TAFA2: variants seen among roughly 807,000 people sequenced by gnomAD.
TAFA2 encodes the protein TAFA chemokine like family member 2.
TAFA2 carries 7 observed loss-of-function variants against 18.8 expected under a neutral mutation model. The observed-to-expected ratio is 0.37, with a 90% CI of 0.21 to 0.70. TAFA2 has a LOEUF of 0.70. Ranked by LOEUF, TAFA2 falls within the 30% of genes least tolerant of loss-of-function variation. The pLI, the probability that TAFA2 is intolerant of heterozygous loss-of-function variation, is 0.53. For missense variants in TAFA2, 122 were observed against 158.1 expected (o/e 0.77, Z 1.23); for synonymous variants, 60 against 54.2 (o/e 1.11, Z -0.47).
chr12:61,767,437 CT>C (rs2120826867), intron 2 of TAFA2, among the ~76,000 whole-genome samples: 1 of 152,082 alleles, frequency 6.6e-6, no homozygotes, highest in Admixed American at 6.6e-5. Flanking sequence ...TTTCCTGTAT[CT>C]AATTTTGCAG....
At chr12:61,863,058 A>C (rs1874193356) in intron 2 of TAFA2, among the ~76,000 whole-genome samples, 1 of 152,206 alleles carries the variant, frequency 6.6e-6, no homozygotes, top group African/African-American at 2.4e-5. Flanking sequence ...TCCATGAGAA[A>C]TATCCAACTG....
At chr12:61,799,477 T>C (rs1300306767) in intron 2 of TAFA2, among the ~76,000 whole-genome samples, 1 of 152,260 alleles carries the variant, frequency 6.6e-6, no homozygotes, top group East Asian at 1.9e-4. Context: ...ACTATCGAAG[T>C]CTCACCATAA....
At chr12:62,090,838 C>T (rs1868681058) in intron 1 of TAFA2, among the ~76,000 whole-genome samples, 1 of 152,028 alleles carries the variant, frequency 6.6e-6, no homozygotes, top group Non-Finnish European at 1.5e-5. Context: ...AAATCTGCCA[C>T]TTCTGCCAAC....
chr12:62,153,834 C>T (rs939443446), intron 1 of TAFA2, among the ~76,000 whole-genome samples: 15 of 152,080 alleles, frequency 9.9e-5, no homozygotes, highest in Admixed American at 5.9e-4. Context: ...ATAAAGTTTA[C>T]ACCTATATAT....
At chr12:62,066,113 T>C (rs1244193642) in intron 1 of TAFA2, among the ~76,000 whole-genome samples, 1 of 142,842 alleles carries the variant, frequency 7.0e-6, no homozygotes, top group Admixed American at 7.3e-5. Context: ...ACACTGTTTT[T>C]TGCTGAAACA....
intron 2 of TAFA2, among the ~76,000 whole-genome samples, chr12:61,787,779 A>T (rs1439396161): frequency 1.3e-5 from 2 of 151,638 alleles, no homozygotes; most frequent in East Asian, 3.9e-4. Context: ...ACAATAAGAG[A>T]GGAATAAAAG....
intron 1 of TAFA2, among the ~76,000 whole-genome samples, chr12:62,099,501 G>T (rs1869095997): frequency 6.6e-6 from 1 of 152,096 alleles, no homozygotes; most frequent in South Asian, 2.1e-4. Flanking sequence ...CACACCTGCA[G>T]GCTTTTGGCA....
At chr12:62,246,587 G>C (rs1467161953) in intron 1 of TAFA2, among the ~76,000 whole-genome samples, 5 of 152,164 alleles carry the variant, frequency 3.3e-5, no homozygotes, top group Non-Finnish European at 7.4e-5. Flanking sequence ...TTTTAAAACA[G>C]TTTGTCACTT....
chr12:62,041,953 T>C (rs916051836), intron 1 of TAFA2, among the ~76,000 whole-genome samples: 2 of 152,250 alleles, frequency 1.3e-5, no homozygotes, highest in South Asian at 2.1e-4. Flanking sequence ...GCAAATGATA[T>C]AGCATTCTTT....
chr12:61,759,120 A>C (rs1869415612), intron 2 of TAFA2, among the ~76,000 whole-genome samples: 2 of 152,054 alleles, frequency 1.3e-5, no homozygotes, highest in South Asian at 4.1e-4. Flanking sequence ...TATGTTGAAA[A>C]AGAAAGGAGA....
intron 1 of TAFA2, among the ~76,000 whole-genome samples, chr12:61,934,392 G>A (rs1400070544): frequency 6.6e-6 from 1 of 152,160 alleles, no homozygotes; most frequent in Non-Finnish European, 1.5e-5. Flanking sequence ...GGGAAATAAA[G>A]CCTAATCTTC....
intron 1 of TAFA2, among the ~76,000 whole-genome samples, chr12:61,983,228 T>C (rs184931592): frequency 1.9e-4 from 29 of 152,318 alleles, no homozygotes; most frequent in Admixed American, 1.6e-3. Flanking sequence ...TCTCTCATTT[T>C]ATACCCATAG....
At chr12:62,153,355 C>T (rs2062343001) in intron 1 of TAFA2, among the ~76,000 whole-genome samples, 1 of 152,020 alleles carries the variant, frequency 6.6e-6, no homozygotes, top group Non-Finnish European at 1.5e-5. Context: ...ATAACAGGAA[C>T]ATACAATCAA....
intron 1 of TAFA2, among the ~76,000 whole-genome samples, chr12:61,967,920 G>T (rs900113437): frequency 9.2e-5 from 14 of 151,800 alleles, no homozygotes; most frequent in African/African-American, 3.1e-4. Flanking sequence ...AAGCAGGTCT[G>T]CAGTCCCATA....
At chr12:62,120,392 T>C (rs1198304210) in intron 1 of TAFA2, among the ~76,000 whole-genome samples, 3 of 152,214 alleles carry the variant, frequency 2.0e-5, no homozygotes, top group African/African-American at 4.8e-5. Flanking sequence ...TTTCATTATG[T>C]AGGAAATTTA....
intron 1 of TAFA2, among the ~76,000 whole-genome samples, chr12:62,175,694 G>C (rs1047835821): frequency 6.6e-6 from 1 of 151,770 alleles, no homozygotes; most frequent in African/African-American, 2.4e-5. Context: ...TTTCAAAAGG[G>C]GCCTTTCTCT....
Position 61,810,320 on chromosome 12 carries a change from GT to G in TAFA2, c.107-55297del, listed in dbSNP as rs5798617. ...TTTAAGAAGGCTTAGCCATTACTTT[GT>G]TTTTTTTTTTTAAGGAATATCTGTA... On this transcript the variant is annotated intron_variant, in intron 2 of 4. Coordinates refer to ENST00000416284, the MANE Select transcript of TAFA2 (RefSeq NM_178539.5). Among the ~76,000 whole-genome samples the G allele has an allele frequency of 3.5e-3, 483 of 137,388 alleles. 5 individuals carry two copies. The highest frequency in any genetic ancestry group is 3.8e-3 in the African/African-American group (141 of 36,642). 90.1% of individuals were successfully genotyped at this position (137,388 alleles called of 152,430 possible).
intron 2 of TAFA2, among the ~76,000 whole-genome samples, chr12:61,864,074 T>G (rs1361605976): frequency 1.3e-5 from 2 of 152,100 alleles, no homozygotes; most frequent in Non-Finnish European, 2.9e-5. Flanking sequence ...TTTCAATAAA[T>G]CACGTAAACA....
intron 1 of TAFA2, among the ~76,000 whole-genome samples, chr12:61,884,029 C>A (rs991868761): frequency 7.2e-5 from 11 of 152,018 alleles, no homozygotes; most frequent in Admixed American, 6.6e-5. Flanking sequence ...TTGAACTAAA[C>A]CTTAACATAT....
Sources: allele counts gnomAD v4.1 joint callset (sites outside exome capture counted in the v4.1 genomes callset), GRCh38; gene constraint gnomAD v4.1.1; transcripts MANE v1.5; gene names NCBI Gene and HGNC (gene_info 2026-07-23, HGNC 2026-07-21).